The following GABRA2 variants were observed in gnomAD, a reference collection of about 807,000 sequenced individuals.
GABRA2 encodes the protein gamma-aminobutyric acid type A receptor subunit alpha2, also known as gamma-aminobutyric acid receptor subunit alpha-2.
GABRA2 carries 16 observed loss-of-function variants against 48.7 expected under a neutral mutation model. The observed-to-expected ratio is 0.33, with a 90% CI of 0.22 to 0.50. The LOEUF (loss-of-function observed/expected upper bound fraction) is 0.50, where lower values mean the gene tolerates loss of function less well. GABRA2 is among the 20% of genes least tolerant of loss of function. The pLI, the probability that GABRA2 is intolerant of heterozygous loss-of-function variation, is 0.98. For missense variants in GABRA2, 275 were observed against 535.6 expected (o/e 0.51, Z 4.80); for synonymous variants, 185 against 184.5 (o/e 1.00, Z -0.02).
At chr4:46,314,047 C>A (rs1378693257) in intron 4 of GABRA2, among the ~76,000 whole-genome samples, 1 of 151,956 alleles carries the variant, frequency 6.6e-6, no homozygotes, top group Non-Finnish European at 1.5e-5. Flanking sequence ...GGCTGTTAAT[C>A]CTTAAGGGAA....
intron 3 of GABRA2, among the ~76,000 whole-genome samples, chr4:46,377,503 C>T (rs1282406135): frequency 9.3e-5 from 14 of 150,460 alleles, no homozygotes; most frequent in African/African-American, 2.4e-4. Flanking sequence ...GCCCAGCAAC[C>T]GCCCCGTCTG....
intron 9 of GABRA2, chr4:46,260,768 C>A (rs1396957129): frequency 6.6e-6 from 1 of 151,746 alleles, no homozygotes; most frequent in East Asian, 1.9e-4. Context: ...CAAAATGGAC[C>A]AGATTCCTTT....
At chr4:46,261,861 T>A (rs763403555) in intron 9 of GABRA2, 65 bp downstream of exon 9, 1 of 1,280,342 alleles carries the variant, frequency 7.8e-7, no homozygotes, top group Non-Finnish European at 1.1e-6. Flanking sequence ...TAGAAACATA[T>A]CTGTTACAAG....
At chr4:46,312,987 A>G (rs1727908737) in intron 4 of GABRA2, among the ~76,000 whole-genome samples, 1 of 151,990 alleles carries the variant, frequency 6.6e-6, no homozygotes, top group Non-Finnish European at 1.5e-5. Flanking sequence ...ACAAGGTCTC[A>G]GTCAAACTGC....
At position 46,325,047 on chromosome 4, in the gene GABRA2, T is replaced by C. The variant is rs552686566; in HGVS notation, c.255+7568A>G. On this transcript the variant is annotated intron_variant, in intron 4 of 9. Coordinates refer to ENST00000381620, the MANE Select transcript of GABRA2 (RefSeq NM_000807.4). ...TGAACATACATAGTTCATATGTCTT[T>C]TTGGTAGAACAATCTATATTCTACT... 7.9e-5 allele frequency among the ~76,000 whole-genome samples: 12 copies of C among 152,090 alleles called. No individual in the cohort carries two copies. In the South Asian group the frequency reaches 2.1e-3, roughly 26 times the overall value.
chr4:46,339,502 A>T (rs1386672129), intron 3 of GABRA2, among the ~76,000 whole-genome samples: 2 of 151,900 alleles, frequency 1.3e-5, no homozygotes, highest in Non-Finnish European at 2.9e-5. Context: ...TCTTACTCTT[A>T]GTTCACAGTC....
At chr4:46,349,637 C>T (rs1214109944) in intron 3 of GABRA2, among the ~76,000 whole-genome samples, 4 of 151,836 alleles carry the variant, frequency 2.6e-5, no homozygotes, top group Non-Finnish European at 4.4e-5. Context: ...GCATTCAGAG[C>T]CTTGTTGGCA....
At chr4:46,253,853 G>T (rs749465501) in intron 9 of GABRA2, among the ~76,000 whole-genome samples, 1 of 151,370 alleles carries the variant, frequency 6.6e-6, no homozygotes, top group Non-Finnish European at 1.5e-5. Flanking sequence ...ATTTTACAAA[G>T]TCTTATTTTA....
At chr4:46,370,726 A>AG (rs1345747302) in intron 3 of GABRA2, among the ~76,000 whole-genome samples, 1 of 152,140 alleles carries the variant, frequency 6.6e-6, no homozygotes, top group Non-Finnish European at 1.5e-5. Context: ...AGAAAACCAA[A>AG]GCAGCCTTTG....
At chr4:46,377,460 A>G (rs1715951282) in intron 3 of GABRA2, among the ~76,000 whole-genome samples, 1 of 126,586 alleles carries the variant, frequency 7.9e-6, no homozygotes, top group Non-Finnish European at 1.8e-5. Context: ...TCTGCCTGGC[A>G]ACCGCCCCGT....
chr4:46,295,717 A>G, intron 8 of GABRA2, among the ~76,000 whole-genome samples: 1 of 152,182 alleles, frequency 6.6e-6, no homozygotes, highest in East Asian at 1.9e-4. Context: ...ATGTGGCACC[A>G]TTCCTCGGGG....
chr4:46,286,998 G>A (rs13119741), intron 8 of GABRA2, among the ~76,000 whole-genome samples: 92,687 of 151,838 alleles, frequency 0.61, 28,785 homozygotes, highest in South Asian at 0.76. Context: ...TTTGGTGTTA[G>A]ATCTAAGAAT....
chr4:46,304,067 A>AG (rs1318907280), intron 7 of GABRA2, among the ~76,000 whole-genome samples: 1 of 152,134 alleles, frequency 6.6e-6, no homozygotes, highest in Non-Finnish European at 1.5e-5. Flanking sequence ...TTTTCAAATT[A>AG]GAGATGTTCA....
chr4:46,348,881 A>T (rs974443402), intron 3 of GABRA2, among the ~76,000 whole-genome samples: 2 of 151,766 alleles, frequency 1.3e-5, no homozygotes, highest in Non-Finnish European at 2.9e-5. Context: ...CATATGTAAC[A>T]AACCTGCACA....
At chr4:46,284,784 AT>A (rs1376187122) in intron 8 of GABRA2, among the ~76,000 whole-genome samples, 1 of 151,976 alleles carries the variant, frequency 6.6e-6, no homozygotes, top group South Asian at 2.1e-4. Flanking sequence ...GAGCATATTA[AT>A]TTTTTAAAAA....
chr4:46,367,704 A>T (rs1023127267), intron 3 of GABRA2: 4 of 152,152 alleles, frequency 2.6e-5, no homozygotes, highest in African/African-American at 7.2e-5. Context: ...TGCATGCTAC[A>T]GACAAAACAA....
intron 4 of GABRA2, among the ~76,000 whole-genome samples, chr4:46,319,631 C>A (rs1245480476): frequency 6.6e-6 from 1 of 151,670 alleles, no homozygotes; most frequent in African/African-American, 2.4e-5. Flanking sequence ...TTAGTACAAG[C>A]CTTATTATAC....
intron 9 of GABRA2, among the ~76,000 whole-genome samples, chr4:46,257,335 G>C (rs117110726): frequency 6.6e-6 from 1 of 151,650 alleles, no homozygotes; most frequent in African/African-American, 2.4e-5. Context: ...TATTGCAAGA[G>C]GGGTCAGCAG....
chr4:46,296,663 AAAAAG>A (rs1724766254), intron 8 of GABRA2, among the ~76,000 whole-genome samples: 1 of 151,298 alleles, frequency 6.6e-6, no homozygotes, highest in Admixed American at 6.6e-5. Context: ...GGGGAAAAAA[AAAAAG>A]AAAAAAAAAA....
Sources: gnomAD v4.1 joint callset for allele counts (sites outside exome capture counted in the v4.1 genomes callset) on GRCh38, gnomAD v4.1.1 for gene constraint, MANE v1.5 for transcripts, NCBI Gene and HGNC (gene_info 2026-07-23, HGNC 2026-07-21) for gene names.